Variants in ANOS1 observed in about 807,000 individuals in gnomAD.
The protein encoded by ANOS1 is anosmin 1, also known as anosmin-1.
A neutral mutation model predicts 59.0 loss-of-function variants in ANOS1; 6 were observed. The observed-to-expected ratio is 0.10, with a 90% CI of 0.06 to 0.20. The LOEUF is 0.20. ANOS1 is among the 10% of genes least tolerant of loss of function. The pLI is 1.00. For synonymous variants in ANOS1, 217 were observed against 223.4 expected, an observed-to-expected ratio of 0.97 and a Z score of 0.25; for missense variants, 433 against 542.3, an observed-to-expected ratio of 0.80 and a Z score of 2.00.
At chrX:8,700,554 A>T (rs746251306) in intron 1 of ANOS1, among the ~76,000 whole-genome samples, 82 of 111,977 alleles carry the variant, frequency 7.3e-4, no homozygotes, top group African/African-American at 2.6e-3. Flanking sequence ...TCCCACGTGA[A>T]AAGCCTTCTC....
intron 8 of ANOS1, among the ~76,000 whole-genome samples, chrX:8,562,169 G>A (rs1024111808): frequency 9.0e-6 from 1 of 110,785 alleles, no homozygotes; most frequent in Non-Finnish European, 1.9e-5. Context: ...TTGAACTCCT[G>A]ACCTCAAGTG....
intron 6 of ANOS1, among the ~76,000 whole-genome samples, chrX:8,581,368 A>T (rs1418030373): frequency 8.9e-6 from 1 of 111,784 alleles, no homozygotes; most frequent in Non-Finnish European, 1.9e-5. Context: ...CTCCCCAGCC[A>T]TGTGGAACTC....
chrX:8,729,034 T>A (rs1457860319), intron 1 of ANOS1, among the ~76,000 whole-genome samples: 1 of 112,291 alleles, frequency 8.9e-6, no homozygotes, highest in East Asian at 2.8e-4. Context: ...AGACGACAGC[T>A]TCCTCTGCAG....
At chrX:8,560,219 T>C (rs775595173) in intron 8 of ANOS1, among the ~76,000 whole-genome samples, 11 of 111,162 alleles carry the variant, frequency 9.9e-5, no homozygotes, top group Non-Finnish European at 1.5e-4. Flanking sequence ...TCCTCCCACC[T>C]GAGCCCCCTA....
In ANOS1 at chrX:8,569,511, G is replaced by A. The variant is rs376537169; in HGVS notation, c.1062+988C>T. ...CAAAAAATTAGCTGGGTGTGGTGGCGGGCGCCTGTAGTCCCAGCTACTCGG... is the reference window on the plus strand; with the variant it reads ...CAAAAAATTAGCTGGGTGTGGTGGCAGGCGCCTGTAGTCCCAGCTACTCGG... On this transcript the variant is annotated intron_variant, in intron 7 of 13. Coordinates refer to ENST00000262648, the MANE Select transcript of ANOS1 (RefSeq NM_000216.4). 5.0e-4 allele frequency among the ~76,000 whole-genome samples: 56 copies of A among 111,325 alleles called. No individual in the cohort carries two copies. In the South Asian group the frequency reaches 0.01, roughly 21 times the overall value.
At chrX:8,583,578 T>C (rs1930461043) in intron 6 of ANOS1, among the ~76,000 whole-genome samples, 1 of 111,864 alleles carries the variant, frequency 8.9e-6, no homozygotes, top group Non-Finnish European at 1.9e-5. Context: ...TTGGCTGATA[T>C]GTTAAACTCC....
intron 2 of ANOS1, among the ~76,000 whole-genome samples, chrX:8,642,011 C>T (rs886833679): frequency 1.8e-5 from 2 of 111,315 alleles, no homozygotes; most frequent in Non-Finnish European, 3.8e-5. Context: ...AAAATAAATA[C>T]AACATATTTA....
chrX:8,533,114 T>C (rs1335227496), intron 13 of ANOS1, 61 bp from the exon 14 acceptor site: 2 of 704,055 alleles, frequency 2.8e-6, no homozygotes, highest in Admixed American at 4.7e-5. Flanking sequence ...AATGATAGAA[T>C]TACCTTTATT....
intron 9 of ANOS1, among the ~76,000 whole-genome samples, chrX:8,549,006 G>C (rs1183914667): frequency 8.9e-6 from 1 of 111,961 alleles, no homozygotes; most frequent in Non-Finnish European, 1.9e-5. Context: ...CTTCTCCTTT[G>C]TGGCCCAGGG....
At chrX:8,721,615 CCTT>C (rs934420823) in intron 1 of ANOS1, among the ~76,000 whole-genome samples, 1 of 111,964 alleles carries the variant, frequency 8.9e-6, no homozygotes, top group Non-Finnish European at 1.9e-5. Context: ...CCTTTTCCTC[CCTT>C]CTTCTTTCTT....
chrX:8,718,375 G>C (rs1932853828), intron 1 of ANOS1, among the ~76,000 whole-genome samples: 1 of 111,471 alleles, frequency 9.0e-6, no homozygotes, highest in South Asian at 3.8e-4. Flanking sequence ...AATAGCTTTA[G>C]TAGCCCAAAA....
At chrX:8,713,208 CACTT>C (rs1341406543) in intron 1 of ANOS1, among the ~76,000 whole-genome samples, 3 of 110,812 alleles carry the variant, frequency 2.7e-5, no homozygotes, top group African/African-American at 9.8e-5. Flanking sequence ...AGTAAGCTCA[CACTT>C]AATCAATTGT....
intron 8 of ANOS1, among the ~76,000 whole-genome samples, chrX:8,554,402 G>C (rs1929907839): frequency 9.0e-6 from 1 of 111,220 alleles, no homozygotes; most frequent in African/African-American, 3.3e-5. Context: ...GTGCTATCCA[G>C]CACAGATAAC....
chrX:8,666,376 C>T (rs143198645), intron 2 of ANOS1, among the ~76,000 whole-genome samples: 3,100 of 111,530 alleles, frequency 0.028, 112 homozygotes, highest in African/African-American at 0.097. Context: ...AGAATGTTTA[C>T]ATTTTCACTA....
At chrX:8,576,362 G>A (rs1474917198) in intron 6 of ANOS1, among the ~76,000 whole-genome samples, 3 of 110,087 alleles carry the variant, frequency 2.7e-5, no homozygotes, top group Non-Finnish European at 3.8e-5. Flanking sequence ...GTATTCATTC[G>A]GCTGAATTAT....
intron 6 of ANOS1, among the ~76,000 whole-genome samples, chrX:8,577,375 G>T (rs756351893): frequency 9.0e-5 from 10 of 111,391 alleles, no homozygotes; most frequent in African/African-American, 3.3e-4. Context: ...CTTCCTCTGA[G>T]TCTCAAATCT....
intron 2 of ANOS1, among the ~76,000 whole-genome samples, chrX:8,685,638 AAGAAAGAAAGAAAG>A (rs1569082634): frequency 9.6e-6 from 1 of 104,566 alleles, no homozygotes; most frequent in African/African-American, 3.6e-5. Context: ...GAAAGAAAGA[AAGAAAGAAAGAAAG>A]AAAGAAAAAG....
chrX:8,707,482 G>T (rs1341077132), intron 1 of ANOS1, among the ~76,000 whole-genome samples: 2 of 110,721 alleles, frequency 1.8e-5, no homozygotes, highest in African/African-American at 6.5e-5. Context: ...CTTGCATTTG[G>T]GATCAAATAT....
intron 4 of ANOS1, 44 bp downstream of exon 4, chrX:8,596,990 T>C (rs1253787523): frequency 8.3e-7 from 1 of 1,209,636 alleles, no homozygotes; most frequent in Admixed American, 2.2e-5. Flanking sequence ...CACAGATATA[T>C]GTGACACTGC....
Sources: allele counts gnomAD v4.1 joint callset (sites outside exome capture counted in the v4.1 genomes callset), GRCh38; gene constraint gnomAD v4.1.1; transcripts MANE v1.5; gene names NCBI Gene and HGNC (gene_info 2026-07-23, HGNC 2026-07-21).